Variants in SRD5A2 observed in about 807,000 individuals in gnomAD.
SRD5A2 encodes the protein 3-oxo-5-alpha-steroid 4-dehydrogenase 2.
SRD5A2 carries 30 observed loss-of-function variants against 27.4 expected under a neutral mutation model. The observed-to-expected ratio is 1.10, with a 90% CI of 0.82 to 1.49. SRD5A2 has a LOEUF of 1.49. SRD5A2 is among the 40% of genes most tolerant of loss of function. The pLI is 0.00. For missense variants in SRD5A2, 348 were observed against 323.4 expected (o/e 1.08, Z -0.58); for synonymous variants, 141 against 133.6 (o/e 1.06, Z -0.38).
the SRD5A2 span, among the ~76,000 whole-genome samples, chr2:31,589,798 G>C: frequency 2.4e-3 from 368 of 152,256 alleles, 4 homozygotes; most frequent in African/African-American, 8.4e-3. Flanking sequence ...GCAGCTGAAG[G>C]GAAGGGCAGG....
intron 1 of SRD5A2, among the ~76,000 whole-genome samples, chr2:31,574,083 T>C (rs1376893521): frequency 6.6e-6 from 1 of 152,196 alleles, no homozygotes; most frequent in Non-Finnish European, 1.5e-5. Flanking sequence ...GAATGTTCAG[T>C]GGCCTGGCGG....
Position 31,526,190 on chromosome 2 carries a change from GT to G in SRD5A2, c.*5del. The G allele has an allele frequency of 6.4e-7, 1 of 1,565,602 alleles. No homozygotes were observed. The highest frequency in any genetic ancestry group is 1.2e-5 in the South Asian group (1 of 85,492). Reference sequence around the variant, plus strand: ...GGGAGCTCTGCTCCTTTTTAATTTGGTTCCTTTAAAAGATGAATGGAATAAG... The same window carrying G: ...GGGAGCTCTGCTCCTTTTTAATTTGGTCCTTTAAAAGATGAATGGAATAAG... On this transcript the variant is annotated 3_prime_UTR_variant, in exon 5 of 5. Transcript: ENST00000622030.
the SRD5A2 span, among the ~76,000 whole-genome samples, chr2:31,638,270 T>G: frequency 6.6e-6 from 1 of 152,126 alleles, no homozygotes; most frequent in South Asian, 2.1e-4. Flanking sequence ...ATTTCTAGTT[T>G]TATTTCACTG....
chr2:31,568,079 G>A (rs1053097731), intron 1 of SRD5A2, among the ~76,000 whole-genome samples: 1 of 152,204 alleles, frequency 6.6e-6, no homozygotes, highest in Non-Finnish European at 1.5e-5. Flanking sequence ...TGTACCCCAA[G>A]TGGCTTCCAC....
the SRD5A2 span, among the ~76,000 whole-genome samples, chr2:31,661,293 T>C: frequency 1.3e-4 from 20 of 152,166 alleles, no homozygotes; most frequent in African/African-American, 4.8e-4. Flanking sequence ...AAAATGGTTA[T>C]ATCAAGGCAG....
chr2:31,548,734 A>T (rs79020399), intron 1 of SRD5A2, among the ~76,000 whole-genome samples: 2,576 of 152,302 alleles, frequency 0.017, 60 homozygotes, highest in African/African-American at 0.058. Context: ...CCACTTCTGA[A>T]TATGCATCTA....
chr2:31,645,384 C>T, the SRD5A2 span, among the ~76,000 whole-genome samples: 1 of 152,096 alleles, frequency 6.6e-6, no homozygotes. Context: ...CATTGCATGC[C>T]TGTATCAAAA....
Position 31,524,084 on chromosome 2 carries a change from C to T in SRD5A2, c.*2112G>A. 4.5e-6 allele frequency: 1 copy of T among 222,928 alleles called. No individual in the cohort carries two copies. The highest frequency in any genetic ancestry group is 2.2e-5 in the African/African-American group (1 of 44,874). 13.8% of individuals were successfully genotyped at this position (222,928 alleles called of 1,614,324 possible). A position where few individuals can be genotyped will look rare whatever the true frequency, so the allele number is the denominator to read the frequency against. ...CCTCTTGTGGCAAAAAGTGAAATTG[C>T]CAAATGGCGGTTTTGTCCTGAGACT... On this transcript the variant is annotated 3_prime_UTR_variant, in exon 5 of 5. Transcript: ENST00000622030.
At chr2:31,595,395 T>A in the SRD5A2 span, among the ~76,000 whole-genome samples, 1 of 151,982 alleles carries the variant, frequency 6.6e-6, no homozygotes, top group South Asian at 2.1e-4. Context: ...ACCACAGAAA[T>A]ACAAAAGATC....
At chr2:31,657,684 A>C in the SRD5A2 span, among the ~76,000 whole-genome samples, 5 of 152,232 alleles carry the variant, frequency 3.3e-5, no homozygotes, top group African/African-American at 1.2e-4. Flanking sequence ...AAAATTAGTG[A>C]TAAATTCTTA....
chr2:31,541,265 A>G (rs1666122787), intron 1 of SRD5A2, among the ~76,000 whole-genome samples: 1 of 152,174 alleles, frequency 6.6e-6, no homozygotes, highest in Non-Finnish European at 1.5e-5. Context: ...AATAACAAAA[A>G]GCAAACAACC....
chr2:31,662,477 C>A, the SRD5A2 span, among the ~76,000 whole-genome samples: 1 of 152,084 alleles, frequency 6.6e-6, no homozygotes, highest in Non-Finnish European at 1.5e-5. Context: ...CACCACCACA[C>A]CCAGCTAATT....
the SRD5A2 span, among the ~76,000 whole-genome samples, chr2:31,631,026 C>T: frequency 6.6e-6 from 1 of 152,222 alleles, no homozygotes; most frequent in African/African-American, 2.4e-5. Flanking sequence ...GCTGTTTGCA[C>T]TCAGCCAAGC....
chr2:31,631,242 G>C, the SRD5A2 span, among the ~76,000 whole-genome samples: 1 of 152,156 alleles, frequency 6.6e-6, no homozygotes, highest in East Asian at 1.9e-4. Context: ...GGGCAGGCTA[G>C]TAAAGGACCA....
chr2:31,570,765 T>C (rs1165921130), intron 1 of SRD5A2, among the ~76,000 whole-genome samples: 1 of 152,112 alleles, frequency 6.6e-6, no homozygotes, highest in Non-Finnish European at 1.5e-5. Flanking sequence ...AAGAATGCAA[T>C]CCCATTCATG....
At chr2:31,611,224 G>A in the SRD5A2 span, among the ~76,000 whole-genome samples, 4 of 152,024 alleles carry the variant, frequency 2.6e-5, no homozygotes, top group Non-Finnish European at 5.9e-5. Flanking sequence ...ACATCAAAGG[G>A]AACACAAGCA....
chr2:31,599,788 T>C, the SRD5A2 span, among the ~76,000 whole-genome samples: 1 of 151,870 alleles, frequency 6.6e-6, no homozygotes, highest in Admixed American at 6.6e-5. Flanking sequence ...ATAATAAATA[T>C]CAGAGCTGAA....
At chr2:31,557,513 G>C (rs1666524054) in intron 1 of SRD5A2, among the ~76,000 whole-genome samples, 1 of 152,072 alleles carries the variant, frequency 6.6e-6, no homozygotes, top group African/African-American at 2.4e-5. Flanking sequence ...TTTTTTTCAA[G>C]GGTTATACCA....
At chr2:31,544,254 C>A (rs1430830330) in intron 1 of SRD5A2, among the ~76,000 whole-genome samples, 1 of 151,490 alleles carries the variant, frequency 6.6e-6, no homozygotes, top group Non-Finnish European at 1.5e-5. Flanking sequence ...AATTCAATAC[C>A]ACACTGTCAA....
Sources: allele counts gnomAD v4.1 joint callset (sites outside exome capture counted in the v4.1 genomes callset), GRCh38; gene constraint gnomAD v4.1.1; transcripts MANE v1.5; gene names NCBI Gene and HGNC (gene_info 2026-07-23, HGNC 2026-07-21).